The following DGKG variants were observed in gnomAD, a reference collection of about 807,000 sequenced individuals.
DGKG encodes DAG kinase gamma.
In DGKG, 78 loss-of-function variants were observed where a neutral mutation model predicts 105.3. The ratio of observed to expected loss-of-function variants is 0.74; its 90% confidence interval spans 0.62 to 0.89. The LOEUF is 0.89. Among genes scored for constraint, DGKG ranks in the 40% least tolerant of loss-of-function variants. The pLI is 0.00. For synonymous variants in DGKG, 346 were observed against 367.1 expected (o/e 0.94, Z 0.66); for missense variants, 958 against 1,020.1 (o/e 0.94, Z 0.83).
At position 186,149,014 on chromosome 3, in the gene DGKG, A is replaced by G. The variant is rs1157334702; in HGVS notation, c.*1076T>C. Reference sequence around the variant, plus strand: ...TAAATATATATATATACACGCACACACACACACACACGCGCGCACACACGT... The same window carrying G: ...TAAATATATATATATACACGCACACGCACACACACACGCGCGCACACACGT... On this transcript the variant is annotated 3_prime_UTR_variant, in exon 25 of 25. Coordinates refer to ENST00000265022, the MANE Select transcript of DGKG (RefSeq NM_001346.3). 6 of 965,702 alleles carry G rather than the reference A, an allele frequency of 6.2e-6. No individual in the cohort carries two copies. The African/African-American group carries it at 1.1e-4, about 17-fold the overall frequency. 59.8% of individuals were successfully genotyped at this position (965,702 alleles called of 1,614,324 possible). A position where few individuals can be genotyped will look rare whatever the true frequency, so the allele number is the denominator to read the frequency against.
chr3:186,326,322 G>A (rs1725340532), intron 1 of DGKG, among the ~76,000 whole-genome samples: 1 of 151,910 alleles, frequency 6.6e-6, no homozygotes, highest in Admixed American at 6.6e-5. Context: ...AACCTGGGAG[G>A]TGGGGGTTGG....
chr3:186,222,768 G>A (rs1341576314), intron 20 of DGKG, among the ~76,000 whole-genome samples: 1 of 150,744 alleles, frequency 6.6e-6, no homozygotes, highest in Non-Finnish European at 1.5e-5. Context: ...CATGAGGTCT[G>A]GGAGTTCAAG....
intron 2 of DGKG, among the ~76,000 whole-genome samples, chr3:186,317,221 G>A (rs1002719947): frequency 2.6e-5 from 4 of 152,142 alleles, no homozygotes; most frequent in Non-Finnish European, 5.9e-5. Flanking sequence ...TGCCTTTCTG[G>A]TTCTTCTCTC....
intron 23 of DGKG, 43 bp from the exon 24 acceptor site, chr3:186,161,706 G>C: frequency 6.2e-7 from 1 of 1,613,906 alleles, no homozygotes; most frequent in Non-Finnish European, 8.5e-7. Flanking sequence ...GCTTTTTCAA[G>C]TGGGAGAATC....
At chr3:186,257,747 G>T in intron 17 of DGKG, 107 bp downstream of exon 17, 1 of 814,276 alleles carries the variant, frequency 1.2e-6, no homozygotes. Flanking sequence ...GAAGATACAA[G>T]GATGAACAGA....
At position 186,270,658 on chromosome 3, in the gene DGKG, A is replaced by G. The variant is rs186903338; in HGVS notation, c.999+1597T>C. On this transcript the variant is annotated intron_variant, in intron 11 of 24. Coordinates refer to ENST00000265022, the MANE Select transcript of DGKG (RefSeq NM_001346.3). ...GATTATTATTTCCATTTTGCAGAGG[A>G]AAAAATGAAAGTTTCAGAGAGGTTA... Among the ~76,000 whole-genome samples, 93 of 152,336 alleles carry G rather than the reference A, an allele frequency of 6.1e-4. 1 individual carries two copies. Among genetic ancestry groups the G allele is most frequent in the Non-Finnish European group, 2.1e-4 (14 of 68,020 alleles).
chr3:186,291,218 A>G (rs1436318812), intron 5 of DGKG, among the ~76,000 whole-genome samples: 1 of 151,708 alleles, frequency 6.6e-6, no homozygotes, highest in Non-Finnish European at 1.5e-5. Flanking sequence ...AGAGGAGGGA[A>G]TCCTACGCAA....
At chr3:186,263,422 C>T (rs1721880014) in intron 14 of DGKG, among the ~76,000 whole-genome samples, 2 of 152,024 alleles carry the variant, frequency 1.3e-5, no homozygotes, top group African/African-American at 4.8e-5. Context: ...CAAAAATTAG[C>T]CGGGTGTAGT....
At chr3:186,343,722 C>A (rs2108663042) in intron 1 of DGKG, among the ~76,000 whole-genome samples, 1 of 152,302 alleles carries the variant, frequency 6.6e-6, no homozygotes, top group Middle Eastern at 3.4e-3. Flanking sequence ...CATATCATCT[C>A]ATTATCCAAC....
intron 9 of DGKG, among the ~76,000 whole-genome samples, chr3:186,277,583 C>A (rs1418510074): frequency 1.3e-5 from 2 of 152,242 alleles, no homozygotes; most frequent in African/African-American, 4.8e-5. Flanking sequence ...GTCAGTGTAT[C>A]TGAAAACACC....
At chr3:186,324,331 G>C (rs1019995897) in intron 1 of DGKG, among the ~76,000 whole-genome samples, 2 of 152,176 alleles carry the variant, frequency 1.3e-5, no homozygotes, top group Admixed American at 6.5e-5. Context: ...TCTAAAACAT[G>C]AAGATATTAA....
At position 186,284,568 on chromosome 3, in the gene DGKG, G is replaced by T; in HGVS notation, c.594+92C>A. 1.8e-6 allele frequency: 2 copies of T among 1,118,144 alleles called. No homozygotes were observed. Among genetic ancestry groups the T allele is most frequent in the Non-Finnish European group, 2.7e-6 (2 of 733,382 alleles). 69.3% of individuals were successfully genotyped at this position (1,118,144 alleles called of 1,614,324 possible). A position where few individuals can be genotyped will look rare whatever the true frequency, so the allele number is the denominator to read the frequency against. Reference sequence around the variant, plus strand: ...GAGACATTGCTATTACTACAAAGACGGAACTGAACATTTTCAGATTCTTCC... The same window carrying T: ...GAGACATTGCTATTACTACAAAGACTGAACTGAACATTTTCAGATTCTTCC... On this transcript the variant is annotated intron_variant, in intron 7 of 24. Transcript: ENST00000265022. This position sits in a 1 kb window ranked among gnomAD's most constrained non-coding sequence, Gnocchi z 4.0.
chr3:186,249,017 C>T (rs911230366), intron 19 of DGKG, among the ~76,000 whole-genome samples: 1 of 152,146 alleles, frequency 6.6e-6, no homozygotes, highest in African/African-American at 2.4e-5. Context: ...CGCTCCAGAA[C>T]CCCGGACCTG....
chr3:186,255,398 C>T (rs541641936), intron 17 of DGKG, among the ~76,000 whole-genome samples: 7 of 152,328 alleles, frequency 4.6e-5, no homozygotes, highest in East Asian at 1.9e-4. Flanking sequence ...GGAGCACTGT[C>T]GTATAAGAAG....
intron 1 of DGKG, among the ~76,000 whole-genome samples, chr3:186,332,312 C>T (rs931881456): frequency 4.6e-5 from 7 of 152,182 alleles, no homozygotes; most frequent in Non-Finnish European, 8.8e-5. Flanking sequence ...TGCTCTTGCC[C>T]TGGGGCCACC....
At chr3:186,354,678 G>T (rs1054621952) in intron 1 of DGKG, among the ~76,000 whole-genome samples, 1 of 152,164 alleles carries the variant, frequency 6.6e-6, no homozygotes, top group African/African-American at 2.4e-5. Flanking sequence ...TTCCAGGAAA[G>T]AATCTTTAAC....
At chr3:186,292,729 G>A (rs2108607803) in intron 5 of DGKG, among the ~76,000 whole-genome samples, 1 of 152,208 alleles carries the variant, frequency 6.6e-6, no homozygotes, top group East Asian at 1.9e-4. Flanking sequence ...GGGAGGCAGA[G>A]GTCGGGAGGC....
chr3:186,210,326 C>T lies in DGKG; in HGVS notation c.1917+1469G>A, dbSNP rs1485618941. ...TGCACACATATCCCTGTTAGCCACA[C>T]TCGGTTCCCCTGCCAAGGCCTCTCC... is the stretch of plus-strand genomic sequence containing the variant. On this transcript the variant is annotated intron_variant, in intron 21 of 24. Coordinates refer to ENST00000265022, the MANE Select transcript of DGKG (RefSeq NM_001346.3). This position sits in a 1 kb window ranked among gnomAD's most constrained non-coding sequence, Gnocchi z 5.2. Among the ~76,000 whole-genome samples, 1 of 152,238 alleles carries T rather than the reference C, an allele frequency of 6.6e-6. No individual in the cohort carries two copies. The highest frequency in any genetic ancestry group is 1.9e-4 in the East Asian group (1 of 5,184).
At chr3:186,259,509 C>CGCT (rs1418968956) in intron 16 of DGKG, among the ~76,000 whole-genome samples, 2 of 152,160 alleles carry the variant, frequency 1.3e-5, no homozygotes, top group African/African-American at 4.8e-5. Context: ...CTTGTACTAC[C>CGCT]GCTGCCATAA....
Sources: allele counts gnomAD v4.1 joint callset (sites outside exome capture counted in the v4.1 genomes callset), GRCh38; gene constraint gnomAD v4.1.1; non-coding constraint Gnocchi (gnomAD v3.1); transcripts MANE v1.5; gene names NCBI Gene and HGNC (gene_info 2026-07-23, HGNC 2026-07-21).